Variants in BCLAF3 observed in about 807,000 individuals in gnomAD.
BCLAF3 encodes BCLAF1 and THRAP3 family member 3.
BCLAF3 carries 24 observed loss-of-function variants against 51.2 expected under a neutral mutation model. The observed-to-expected ratio is 0.47, with a 90% CI of 0.34 to 0.66. The LOEUF is 0.66. BCLAF3 is among the 30% of genes least tolerant of loss of function. The pLI is 0.01. For missense variants in BCLAF3, 465 were observed against 525.1 expected (o/e 0.89, Z 1.12); for synonymous variants, 152 against 176.6 (o/e 0.86, Z 1.10).
intron 10 of BCLAF3, chrX:19,930,560 G>A: frequency 4.8e-6 from 1 of 209,301 alleles, no homozygotes; most frequent in South Asian, 5.8e-5. Context: ...CTACTCAGGA[G>A]GCTGAGGTGG....
chrX:19,936,062 T>C (rs1327993179), intron 9 of BCLAF3, among the ~76,000 whole-genome samples, 164 bp from the exon 10 acceptor site: 2 of 112,035 alleles, frequency 1.8e-5, no homozygotes, highest in Admixed American at 9.5e-5. Context: ...CCTTGACCCA[T>C]GCTAACTTGA....
chrX:19,927,022 T>C (rs1476592121), intron 11 of BCLAF3, among the ~76,000 whole-genome samples: 2 of 110,725 alleles, frequency 1.8e-5, no homozygotes, highest in African/African-American at 6.6e-5. Flanking sequence ...AGGTCAGGAG[T>C]TCGAGACCAA....
At chrX:19,937,899 C>G (rs186938117) in intron 8 of BCLAF3, among the ~76,000 whole-genome samples, 4 of 111,980 alleles carry the variant, frequency 3.6e-5, no homozygotes, top group East Asian at 5.7e-4. Flanking sequence ...CACTGCCCCC[C>G]TCCCCTTCTT....
At chrX:19,983,091 AC>A (rs2072673452) in intron 1 of BCLAF3, among the ~76,000 whole-genome samples, 1 of 105,282 alleles carries the variant, frequency 9.5e-6, no homozygotes, top group African/African-American at 3.5e-5. Flanking sequence ...AGTAGCTGGT[AC>A]TATAGGTGTG....
intron 1 of BCLAF3, among the ~76,000 whole-genome samples, 195 bp from the exon 2 acceptor site, chrX:19,970,493 CTG>C (rs1335126417): frequency 9.0e-6 from 1 of 111,692 alleles, no homozygotes; most frequent in African/African-American, 3.3e-5. Context: ...GGTCAGTAAA[CTG>C]TCTGCAAAGT....
rs1203469952 is a variant in BCLAF3 at position 19,965,113 on chromosome X, G to A, written c.1205C>T (p.Ser402Leu). 3.3e-6 allele frequency: 4 copies of A among 1,198,939 alleles called. No individual in the cohort carries two copies. Among genetic ancestry groups the A allele is most frequent in the Middle Eastern group, 4.6e-4 (2 of 4,318 alleles). Residue 402 changes from serine to leucine, a missense_variant, in exon 4 of 12, where the codon TCG (serine) becomes TTG (leucine). Physicochemically the swap from Ser to Leu is moderately radical, Grantham distance 145. Coordinates refer to ENST00000379682, the MANE Select transcript of BCLAF3 (RefSeq NM_001367774.2). ...KSQKLPDVKP[S>L]PINLRKKSLT... ...TGATTTCTTCCTAAGATTGATAGGC[G>A]AGGGTTTCACATCAGGAAGTTTTTG... is the stretch of plus-strand genomic sequence containing the variant.
chrX:19,939,058 G>T (rs1342965846), intron 8 of BCLAF3, among the ~76,000 whole-genome samples: 1 of 111,967 alleles, frequency 8.9e-6, no homozygotes, highest in Non-Finnish European at 1.9e-5. Flanking sequence ...GACACTCGGG[G>T]TTTTTTAAAT....
chrX:19,961,295 A>G lies in BCLAF3; in HGVS notation c.1274+3749T>C, dbSNP rs193030692. Among the ~76,000 whole-genome samples the G allele has an allele frequency of 4.4e-5, 5 of 112,686 alleles. No individual in the cohort carries two copies. The East Asian group carries it at 1.4e-3, about 31-fold the overall frequency. On this transcript the variant is annotated intron_variant, in intron 4 of 11. Transcript: ENST00000379682. Reference sequence around the variant, plus strand: ...GATAATGAAGTTTCTGACAGAGTGGATCATTAGAATACAGTCTTTCTTAAC... The same window carrying G: ...GATAATGAAGTTTCTGACAGAGTGGGTCATTAGAATACAGTCTTTCTTAAC...
chrX:19,955,284 A>T, intron 5 of BCLAF3, 107 bp downstream of exon 5: 1 of 533,105 alleles, frequency 1.9e-6, no homozygotes, highest in South Asian at 6.0e-5. Flanking sequence ...TCTAGCTTAC[A>T]ATGAAATATT....
At chrX:19,986,244 C>T (rs1031552678) in intron 1 of BCLAF3, among the ~76,000 whole-genome samples, 6 of 111,206 alleles carry the variant, frequency 5.4e-5, no homozygotes, top group African/African-American at 2.0e-4. Flanking sequence ...TAGAAAAGTA[C>T]AGATCACTAA....
At chrX:19,923,841 A>ATT (rs201348187) in intron 11 of BCLAF3, among the ~76,000 whole-genome samples, 6 of 85,836 alleles carry the variant, frequency 7.0e-5, no homozygotes, top group East Asian at 3.0e-4. Flanking sequence ...TTATTTATTT[A>ATT]TTTATTTTTT....
intron 10 of BCLAF3, among the ~76,000 whole-genome samples, chrX:19,932,572 C>A (rs1177971994): frequency 1.0e-5 from 1 of 97,861 alleles, no homozygotes; most frequent in African/African-American, 4.0e-5. Context: ...CACTCTGTCA[C>A]CCAGGCTGAA....
chrX:19,958,507 G>A (rs769095858), intron 4 of BCLAF3, among the ~76,000 whole-genome samples: 2 of 112,165 alleles, frequency 1.8e-5, no homozygotes, highest in African/African-American at 3.2e-5. Context: ...GCAGCATAAC[G>A]GCGTTTCCAT....
chrX:19,974,971 A>G (rs992934341), intron 1 of BCLAF3, among the ~76,000 whole-genome samples: 1 of 112,255 alleles, frequency 8.9e-6, no homozygotes, highest in African/African-American at 3.2e-5. Context: ...AGCTGTAAAA[A>G]CATTAGCTTT....
intron 11 of BCLAF3, among the ~76,000 whole-genome samples, chrX:19,918,864 G>A (rs1444507972): frequency 9.1e-6 from 1 of 110,006 alleles, no homozygotes; most frequent in Admixed American, 9.8e-5. Context: ...TAAGCAGAAT[G>A]CTGAACTAGA....
rs2069943321 is a variant in BCLAF3 at position 19,916,590 on chromosome X, A to C, written c.*715T>G. ...ATATGATATGCACAAGCTTGCCCTG[A>C]GGGAAAAATAAGATGGACTATAGAT... On this transcript the variant is annotated 3_prime_UTR_variant, in exon 12 of 12. Transcript: ENST00000379682. 8.9e-6 allele frequency: 1 copy of C among 112,570 alleles called. No individual in the cohort carries two copies. Among genetic ancestry groups the C allele is most frequent in the Non-Finnish European group, 1.9e-5 (1 of 53,209 alleles). The allele number at this position is 112,570 out of a possible 1,213,427, so 9.3% of individuals were successfully genotyped here.
intron 1 of BCLAF3, among the ~76,000 whole-genome samples, chrX:19,973,856 T>A (rs2072330940): frequency 8.9e-6 from 1 of 112,416 alleles, no homozygotes; most frequent in Non-Finnish European, 1.9e-5. Context: ...TAATTAGCAA[T>A]TGGGAAAATA....
rs1187795368 is a variant in BCLAF3 at position 19,959,622 on chromosome X, A to T, written c.1275-4056T>A. Among the ~76,000 whole-genome samples the T allele has an allele frequency of 7.4e-5, 8 of 107,523 alleles. No homozygotes were observed. The South Asian group carries it at 1.3e-3, about 17-fold the overall frequency. 93.4% of individuals were successfully genotyped at this position (107,523 alleles called of 115,157 possible). A position where few individuals can be genotyped will look rare whatever the true frequency, so the allele number is the denominator to read the frequency against. On this transcript the variant is annotated intron_variant, in intron 4 of 11. Transcript: ENST00000379682. ...ACCTCATCTCGACTAAAAATAAAAAAAAAAAAATAGCCAGGCATGGTGGCG... is the reference window on the plus strand; with the variant it reads ...ACCTCATCTCGACTAAAAATAAAAATAAAAAAATAGCCAGGCATGGTGGCG...
rs748091360 is a variant in BCLAF3, at chrX:19,970,257, C to A, written c.8G>T (p.Arg3Leu). ...CCACCTGGGGGATCTAGATCGTGAC[C>A]GTGCCATCCTTTGACACGTGAGCCA... is the stretch of plus-strand genomic sequence containing the variant. Reference protein sequence around the residue: MARSRSRSPRWKH... With the variant: MALSRSRSPRWKH... The change falls in exon 2 of 12, where the codon CGG (arginine) becomes CTG (leucine). Residue 3 changes from arginine to leucine, a missense_variant. Physicochemically the swap from Arg to Leu is moderately radical, Grantham distance 102. Transcript: ENST00000379682. The A allele has an allele frequency of 8.3e-7, 1 of 1,210,069 alleles. No individual in the cohort carries two copies. Among genetic ancestry groups the A allele is most frequent in the African/African-American group, 1.7e-5 (1 of 57,356 alleles).
Sources: gnomAD v4.1 joint callset for allele counts (sites outside exome capture counted in the v4.1 genomes callset) on GRCh38, gnomAD v4.1.1 for gene constraint, MANE v1.5 for transcripts, NCBI Gene and HGNC (gene_info 2026-07-23, HGNC 2026-07-21) for gene names.